The following MYO9A variants were observed in gnomAD, a reference collection of about 807,000 sequenced individuals.
MYO9A encodes unconventional myosin-IXa.
A neutral mutation model predicts 293.3 loss-of-function variants in MYO9A; 103 were observed. The observed-to-expected ratio is 0.35, with a 90% CI of 0.30 to 0.41. The LOEUF (loss-of-function observed/expected upper bound fraction) is 0.41, where lower values mean the gene tolerates loss of function less well. Ranked by LOEUF, MYO9A falls within the 10% of genes least tolerant of loss-of-function variation. The pLI, the probability that MYO9A is intolerant of heterozygous loss-of-function variation, is 1.00. For missense variants in MYO9A, 2,685 were observed against 3,033.0 expected (o/e 0.89, Z 2.69); for synonymous variants, 1,001 against 1,035.7 (o/e 0.97, Z 0.64).
chr15:72,029,761 A>G (rs1296070600), intron 3 of MYO9A, among the ~76,000 whole-genome samples: 1 of 152,198 alleles, frequency 6.6e-6, no homozygotes, highest in Non-Finnish European at 1.5e-5. Flanking sequence ...CAAGTCTTTA[A>G]AACTTCTTAC....
intron 27 of MYO9A, among the ~76,000 whole-genome samples, chr15:71,887,511 A>C (rs1301542205): frequency 6.6e-6 from 1 of 152,116 alleles, no homozygotes; most frequent in Non-Finnish European, 1.5e-5. Flanking sequence ...CATCAGAGGA[A>C]TCTACCAACT....
At chr15:71,851,481 G>C (rs2141335287) in intron 36 of MYO9A, 123 bp from the exon 37 acceptor site, 2 of 620,198 alleles carry the variant, frequency 3.2e-6, no homozygotes, top group East Asian at 5.7e-5. Flanking sequence ...GTACCTGTAG[G>C]GCAGGAGAAG....
At chr15:72,103,379 A>AAGC (rs955731367) in intron 1 of MYO9A, among the ~76,000 whole-genome samples, 1 of 150,006 alleles carries the variant, frequency 6.7e-6, no homozygotes, top group Admixed American at 6.6e-5. Flanking sequence ...GCAGAAGCAG[A>AAGC]AGCAGCAGCA....
intron 2 of MYO9A, among the ~76,000 whole-genome samples, chr15:72,038,421 TAA>T (rs2078124295): frequency 6.6e-6 from 1 of 152,170 alleles, no homozygotes; most frequent in South Asian, 2.1e-4. Context: ...TCAATAACTT[TAA>T]GAGAGTTCAA....
At chr15:72,025,219 A>C (rs904393371) in intron 4 of MYO9A, among the ~76,000 whole-genome samples, 1 of 152,200 alleles carries the variant, frequency 6.6e-6, no homozygotes, top group African/African-American at 2.4e-5. Flanking sequence ...TACTAATATC[A>C]GGTAAAATAA....
At chr15:71,888,435 C>G (rs769174777) in intron 26 of MYO9A, 68 of 167,040 alleles carry the variant, frequency 4.1e-4, no homozygotes, top group Non-Finnish European at 6.8e-4. Flanking sequence ...TCTAATAAAT[C>G]TAGAACGCTA....
intron 1 of MYO9A, among the ~76,000 whole-genome samples, chr15:72,092,579 C>T (rs574058641): frequency 2.7e-4 from 41 of 152,132 alleles, no homozygotes; most frequent in Non-Finnish European, 4.1e-4. Flanking sequence ...CAGAGGGAGA[C>T]TGTCTCTAAA....
chr15:71,946,700 G>A (rs1398519792), intron 15 of MYO9A, among the ~76,000 whole-genome samples: 3 of 152,212 alleles, frequency 2.0e-5, no homozygotes, highest in African/African-American at 7.2e-5. Context: ...GTGCTTAACA[G>A]CCACATGTGG....
At chr15:71,956,329 A>AT (rs1273937101) in intron 14 of MYO9A, among the ~76,000 whole-genome samples, 5,215 of 94,660 alleles carry the variant, frequency 0.055, 114 homozygotes, top group Non-Finnish European at 0.076. Context: ...AAAAAAAAAA[A>AT]AATATATATA....
chr15:72,067,090 T>A (rs1055313544), intron 1 of MYO9A, among the ~76,000 whole-genome samples: 1 of 84,206 alleles, frequency 1.2e-5, no homozygotes, highest in African/African-American at 3.1e-5. Context: ...GATAATTATA[T>A]ATTACATAAT....
At chr15:71,968,149 A>G (rs374385970) in intron 12 of MYO9A, 24 bp from the exon 13 acceptor site, 20 of 1,534,462 alleles carry the variant, frequency 1.3e-5, no homozygotes, top group Admixed American at 2.1e-5. Flanking sequence ...AAAAGAAAAA[A>G]TATCATTACA....
chr15:71,830,270 CGATGGACCTG>C lies in MYO9A; in HGVS notation c.6869_6878del (p.Pro2290ArgfsTer5). ...AAGGCAACCGAACTACAACAGGAGACGATGGACCTGGATAGTTTCCTCGACGAATACGCCC... is the reference window on the plus strand; with the variant it reads ...AAGGCAACCGAACTACAACAGGAGACGATAGTTTCCTCGACGAATACGCCC... On this transcript the variant is annotated frameshift_variant, in exon 40 of 42. Transcript: ENST00000356056. LOFTEE classifies it high-confidence loss of function. 1 of 1,613,950 alleles carries C rather than the reference CGATGGACCTG, an allele frequency of 6.2e-7. No homozygotes were observed. The highest frequency in any genetic ancestry group is 8.5e-7 in the Non-Finnish European group (1 of 1,179,946).
At position 71,832,435 on chromosome 15, in the gene MYO9A, C is replaced by CA. The variant is rs199551452; in HGVS notation, c.6838-2125dup. 8.2e-4 allele frequency among the ~76,000 whole-genome samples: 123 copies of CA among 150,426 alleles called. 1 individual carries two copies. The East Asian group carries it at 0.013, about 15-fold the overall frequency. ...ACTGTTAAAAACTAAAGGCCTAAGGCAAAAAAAAGACTTAAAAGCGTTACA... is the reference window on the plus strand; with the variant it reads ...ACTGTTAAAAACTAAAGGCCTAAGGCAAAAAAAAAGACTTAAAAGCGTTACA... On this transcript the variant is annotated intron_variant, in intron 39 of 41. Coordinates refer to ENST00000356056, the MANE Select transcript of MYO9A (RefSeq NM_006901.4).
intron 18 of MYO9A, among the ~76,000 whole-genome samples, chr15:71,920,355 T>C (rs971734848): frequency 1.3e-5 from 2 of 152,174 alleles, no homozygotes; most frequent in Non-Finnish European, 2.9e-5. Context: ...CCTGGTGTGA[T>C]AGTATTAAGA....
intron 40 of MYO9A, among the ~76,000 whole-genome samples, chr15:71,828,235 A>G (rs2054588147): frequency 6.6e-6 from 1 of 152,204 alleles, no homozygotes; most frequent in Non-Finnish European, 1.5e-5. Context: ...CAGATAGCCA[A>G]TCTAGGACCA....
At chr15:71,852,931 T>C (rs1385123804) in intron 35 of MYO9A, among the ~76,000 whole-genome samples, 1 of 152,122 alleles carries the variant, frequency 6.6e-6, no homozygotes, top group African/African-American at 2.4e-5. Context: ...GACCTGTCTC[T>C]ACTAAAAATA....
chr15:71,852,095 A>C, intron 36 of MYO9A, 37 bp downstream of exon 36: 1 of 1,581,790 alleles, frequency 6.3e-7, no homozygotes, highest in Non-Finnish European at 8.6e-7. Flanking sequence ...TTTCCCAACT[A>C]TAGGCCTTCT....
At chr15:72,101,145 G>A (rs1212293299) in intron 1 of MYO9A, among the ~76,000 whole-genome samples, 2 of 139,604 alleles carry the variant, frequency 1.4e-5, no homozygotes, top group East Asian at 2.3e-4. Flanking sequence ...CCGGCCAGCC[G>A]CCCCGTCTGG....
At chr15:71,948,273 T>C (rs1442027608) in intron 15 of MYO9A, among the ~76,000 whole-genome samples, 1 of 152,310 alleles carries the variant, frequency 6.6e-6, no homozygotes, top group East Asian at 1.9e-4. Flanking sequence ...GTGTAGTCAT[T>C]TATATTTTTA....
Sources: gnomAD v4.1 joint callset for allele counts (sites outside exome capture counted in the v4.1 genomes callset) on GRCh38, gnomAD v4.1.1 for gene constraint, MANE v1.5 for transcripts, NCBI Gene and HGNC (gene_info 2026-07-23, HGNC 2026-07-21) for gene names.